NLGN1: variants seen among roughly 807,000 people sequenced by gnomAD.
NLGN1 encodes the protein neuroligin 1.
In NLGN1, 12 loss-of-function variants were observed where a neutral mutation model predicts 65.5. The observed-to-expected ratio is 0.18, with a 90% CI of 0.12 to 0.30. NLGN1 has a LOEUF of 0.30. Among genes scored for constraint, NLGN1 ranks in the 10% least tolerant of loss-of-function variants. The pLI is 1.00. For missense variants in NLGN1, 750 were observed against 1,007.1 expected (o/e 0.74, Z 3.46); for synonymous variants, 350 against 359.5 (o/e 0.97, Z 0.30).
intron 4 of NLGN1, among the ~76,000 whole-genome samples, chr3:173,952,777 CTTT>C (rs201322891): frequency 1.4e-5 from 2 of 138,082 alleles, no homozygotes; most frequent in Non-Finnish European, 1.6e-5. Context: ...TAAAATTTAC[CTTT>C]TTTTTTTTTT....
At chr3:173,706,701 C>A (rs1044732742) in intron 3 of NLGN1, among the ~76,000 whole-genome samples, 2 of 152,154 alleles carry the variant, frequency 1.3e-5, no homozygotes. Flanking sequence ...TATTTACGTA[C>A]AGATATCGAT....
intron 4 of NLGN1, among the ~76,000 whole-genome samples, chr3:173,938,605 A>T (rs1745448099): frequency 6.6e-6 from 1 of 152,172 alleles, no homozygotes; most frequent in Admixed American, 6.5e-5. Flanking sequence ...CAAAGGAAAA[A>T]CTTCTAAGCA....
At chr3:174,230,130 A>C (rs556333101) in intron 4 of NLGN1, among the ~76,000 whole-genome samples, 8 of 152,282 alleles carry the variant, frequency 5.3e-5, no homozygotes, top group Non-Finnish European at 1.2e-4. Context: ...TCACACTGAT[A>C]CATTGAGCAC....
intron 4 of NLGN1, among the ~76,000 whole-genome samples, chr3:173,822,219 G>A (rs1201662714): frequency 6.6e-6 from 1 of 151,998 alleles, no homozygotes; most frequent in Admixed American, 6.6e-5. Context: ...TTTTATTTAC[G>A]ATCCGTACTT....
chr3:174,105,233 C>T lies in NLGN1; in HGVS notation c.647-170082C>T, dbSNP rs1713452240. Among the ~76,000 whole-genome samples, 4 of 152,000 alleles carry T rather than the reference C, an allele frequency of 2.6e-5. No individual in the cohort carries two copies. In the South Asian group the frequency reaches 8.3e-4, roughly 32 times the overall value. ...AAGGGGAGGAATTGAAGTTGAATTTCATTGTTTGGATCAAAGAGTTTGGCT... is the reference window on the plus strand; with the variant it reads ...AAGGGGAGGAATTGAAGTTGAATTTTATTGTTTGGATCAAAGAGTTTGGCT... On this transcript the variant is annotated intron_variant, in intron 4 of 6. Transcript: ENST00000457714.
In NLGN1 at chr3:173,405,181, G is replaced by T. The variant is rs148664349; in HGVS notation, c.-390+6694G>T. On this transcript the variant is annotated intron_variant, in intron 1 of 6. Transcript: ENST00000457714. ...ATGCACTGTTTTTGAAGGGCTCCGC[G>T]ATTGTCTCCAGAATTTAATTCCAAG... Among the ~76,000 whole-genome samples the T allele has an allele frequency of 2.7e-3, 412 of 152,134 alleles. 2 individuals carry two copies. Among genetic ancestry groups the T allele is most frequent in the Non-Finnish European group, 4.6e-3 (310 of 67,968 alleles).
At chr3:173,611,065 A>G (rs1440953429) in intron 3 of NLGN1, among the ~76,000 whole-genome samples, 4 of 152,018 alleles carry the variant, frequency 2.6e-5, no homozygotes, top group Non-Finnish European at 4.4e-5. Flanking sequence ...GTGGGTAGAA[A>G]AATTAGTATG....
chr3:173,418,772 A>T (rs2082898), intron 1 of NLGN1, among the ~76,000 whole-genome samples: 43,960 of 151,884 alleles, frequency 0.29, 6,689 homozygotes, highest in Middle Eastern at 0.41. Flanking sequence ...GTACATATTA[A>T]CCCATATGTT....
intron 4 of NLGN1, among the ~76,000 whole-genome samples, chr3:174,000,076 C>T (rs1384773583): frequency 1.3e-5 from 2 of 151,856 alleles, no homozygotes; most frequent in Non-Finnish European, 2.9e-5. Flanking sequence ...TTGAAACAGG[C>T]AAGTACATAT....
intron 4 of NLGN1, among the ~76,000 whole-genome samples, chr3:173,811,864 C>T (rs972885448): frequency 5.3e-5 from 8 of 151,958 alleles, no homozygotes; most frequent in Non-Finnish European, 8.8e-5. Flanking sequence ...TTAAAATGTT[C>T]CAACCACTTA....
At chr3:173,473,358 C>T (rs984430770) in intron 2 of NLGN1, among the ~76,000 whole-genome samples, 2 of 152,146 alleles carry the variant, frequency 1.3e-5, no homozygotes. Context: ...TTTATTTTCT[C>T]TATGCATTTG....
chr3:173,904,938 A>G (rs1312655509), intron 4 of NLGN1, among the ~76,000 whole-genome samples: 1 of 152,202 alleles, frequency 6.6e-6, no homozygotes, highest in African/African-American at 2.4e-5. Context: ...TGCCCTGGCT[A>G]TCCAGGCCCA....
At chr3:174,058,484 C>A (rs961909414) in intron 4 of NLGN1, among the ~76,000 whole-genome samples, 1 of 152,046 alleles carries the variant, frequency 6.6e-6, no homozygotes, top group African/African-American at 2.4e-5. Flanking sequence ...AGATTTTCAT[C>A]TTGCTTCTTT....
chr3:173,743,702 T>G (rs375922296), intron 3 of NLGN1, among the ~76,000 whole-genome samples: 1 of 152,168 alleles, frequency 6.6e-6, no homozygotes, highest in African/African-American at 2.4e-5. Context: ...AGCAAGCTAC[T>G]GGCCTTTCAT....
chr3:173,818,671 C>T (rs540543561), intron 4 of NLGN1, among the ~76,000 whole-genome samples: 29 of 152,168 alleles, frequency 1.9e-4, no homozygotes, highest in Admixed American at 5.9e-4. Flanking sequence ...GTGGAATGGA[C>T]GGGTAACCTT....
chr3:174,000,633 T>C (rs1723096948), intron 4 of NLGN1, among the ~76,000 whole-genome samples: 1 of 152,166 alleles, frequency 6.6e-6, no homozygotes, highest in South Asian at 2.1e-4. Flanking sequence ...CTTTGCATCT[T>C]GTGTAATGTG....
rs115493678 is a variant in NLGN1 at position 173,524,553 on chromosome 3, A to C, written c.-320-79726A>C. ...CTCTTTTCTAATCAGGATGTCTTTT[A>C]TTTCTTTCTCTTGCCTGTTTGCTCT... On this transcript the variant is annotated intron_variant, in intron 2 of 6. Transcript: ENST00000457714. Among the ~76,000 whole-genome samples, 748 of 152,198 alleles carry C rather than the reference A, an allele frequency of 4.9e-3. 3 individuals are homozygous for C. The highest frequency in any genetic ancestry group is 0.017 in the African/African-American group (707 of 41,528).
At chr3:173,441,557 GAGAT>G (rs560757710) in intron 2 of NLGN1, among the ~76,000 whole-genome samples, 57 of 152,238 alleles carry the variant, frequency 3.7e-4, no homozygotes, top group African/African-American at 1.3e-3. Flanking sequence ...GAGAGGCAGA[GAGAT>G]AGGGAAATGA....
intron 4 of NLGN1, among the ~76,000 whole-genome samples, chr3:173,829,559 TG>T (rs1722064600): frequency 6.9e-6 from 1 of 143,938 alleles, no homozygotes; most frequent in African/African-American, 2.8e-5. Context: ...TGTGCGTGTG[TG>T]TGTGTGTGTG....
Sources: allele counts gnomAD v4.1 joint callset (sites outside exome capture counted in the v4.1 genomes callset), GRCh38; gene constraint gnomAD v4.1.1; transcripts MANE v1.5; gene names NCBI Gene and HGNC (gene_info 2026-07-23, HGNC 2026-07-21).